Variants in UBE4A observed in about 807,000 individuals in gnomAD.
UBE4A encodes ubiquitination factor E4A.
Under a neutral mutation model 117.9 loss-of-function variants are expected in UBE4A, and 48 were observed. The observed-to-expected ratio is 0.41, with a 90% CI of 0.32 to 0.52. The LOEUF is 0.52. UBE4A is among the 20% of genes least tolerant of loss of function. The probability of loss-of-function intolerance (pLI) is 0.33; values close to 1 mark genes in which losing one functional copy is unlikely to be tolerated. For synonymous variants in UBE4A, 407 were observed against 450.0 expected (o/e 0.90, Z 1.21); for missense variants, 1,067 against 1,296.3 (o/e 0.82, Z 2.72).
chr11:118,382,992 AT>A (rs1183985594), intron 13 of UBE4A, among the ~76,000 whole-genome samples: 2 of 139,906 alleles, frequency 1.4e-5, no homozygotes, highest in Non-Finnish European at 3.1e-5. Flanking sequence ...TGTTTTATTT[AT>A]TTTTTATTTT....
rs1948888376 is a variant in UBE4A at position 118,397,762 on chromosome 11, A to G, written c.*1322A>G. The G allele has an allele frequency of 1.3e-5, 2 of 152,228 alleles. No homozygotes were observed. The highest frequency in any genetic ancestry group is 2.4e-5 in the African/African-American group (1 of 41,462). The allele number at this position is 152,228 out of a possible 1,614,324, so 9.4% of individuals were successfully genotyped here. On this transcript the variant is annotated 3_prime_UTR_variant, in exon 20 of 20. Coordinates refer to ENST00000252108, the MANE Select transcript of UBE4A (RefSeq NM_001204077.2). Reference sequence around the variant, plus strand: ...TGGGTGTCACTGCTTCATTTGGAACATGTTATTAACTATGGTCTCTTTCAA... The same window carrying G: ...TGGGTGTCACTGCTTCATTTGGAACGTGTTATTAACTATGGTCTCTTTCAA...
chr11:118,365,468 G>A (rs562244886), intron 2 of UBE4A, among the ~76,000 whole-genome samples: 8 of 152,112 alleles, frequency 5.3e-5, no homozygotes, highest in East Asian at 3.9e-4. Context: ...GATGCCAGTC[G>A]TGATCCCAAA....
intron 1 of UBE4A, among the ~76,000 whole-genome samples, chr11:118,360,159 TCAC>T (rs1460261275): frequency 4.6e-5 from 7 of 152,328 alleles, no homozygotes; most frequent in Non-Finnish European, 8.8e-5. Context: ...GGTGATGAGT[TCAC>T]CACAGATAAC....
chr11:118,371,405 C>A (rs1363611413), intron 4 of UBE4A, 109 bp from the exon 5 acceptor site: 1 of 1,360,338 alleles, frequency 7.4e-7, no homozygotes, highest in Non-Finnish European at 9.9e-7. Flanking sequence ...ACTCTACATT[C>A]AAATCTGTGA....
chr11:118,366,720 T>C (rs976441148), intron 2 of UBE4A, among the ~76,000 whole-genome samples: 20 of 152,248 alleles, frequency 1.3e-4, no homozygotes, highest in African/African-American at 4.8e-4. Flanking sequence ...GAAAAGTACA[T>C]ATAGACTCAT....
At chr11:118,361,789 G>A (rs1009480493) in intron 1 of UBE4A, among the ~76,000 whole-genome samples, 1 of 152,212 alleles carries the variant, frequency 6.6e-6, no homozygotes, top group African/African-American at 2.4e-5. Flanking sequence ...AGGGTCATGG[G>A]TGATGCTGTT....
At position 118,379,544 on chromosome 11, in the gene UBE4A, T is replaced by C; in HGVS notation, c.1670T>C (p.Leu557Pro). 6.2e-7 allele frequency: 1 copy of C among 1,614,228 alleles called. No individual in the cohort carries two copies. The highest frequency in any genetic ancestry group is 8.5e-7 in the Non-Finnish European group (1 of 1,180,040). ...QQSSSPAADN[L>P]REQFERLMTI... ...AGTTCTAGCCCTGCTGCTGACAATCTTCGTGAGCAGTTTGAACGACTGATG... is the reference window on the plus strand; with the variant it reads ...AGTTCTAGCCCTGCTGCTGACAATCCTCGTGAGCAGTTTGAACGACTGATG... Residue 557 changes from leucine (L) to proline (P), a missense_variant, in exon 11 of 20, where the codon CTT becomes CCT. Around this residue, in one of 3 missense-constraint regions of UBE4A, gnomAD observed 1,001 missense variants for 1,184.0 expected, o/e 0.85. Transcript: ENST00000252108.
rs1948585550 is a variant in UBE4A, at chr11:118,368,820, A to G, written c.295+16A>G. On this transcript the variant is annotated intron_variant, in intron 3 of 19. Coordinates refer to ENST00000252108, the MANE Select transcript of UBE4A (RefSeq NM_001204077.2). ...CTGGACAACAGTGAGTTACAAACTT[A>G]TAGCATTATTCTACCCTTCCTATTT... 6.2e-7 allele frequency: 1 copy of G among 1,613,356 alleles called. No homozygotes were observed. Among genetic ancestry groups the G allele is most frequent in the Non-Finnish European group, 8.5e-7 (1 of 1,179,552 alleles).
chr11:118,367,205 A>G (rs1948570831), intron 2 of UBE4A, among the ~76,000 whole-genome samples: 1 of 152,068 alleles, frequency 6.6e-6, no homozygotes, highest in Non-Finnish European at 1.5e-5. Context: ...ATCTCAAAAA[A>G]AAAAATCAAA....
At chr11:118,393,388 G>T (rs535043731) in intron 19 of UBE4A, among the ~76,000 whole-genome samples, 90 of 152,278 alleles carry the variant, frequency 5.9e-4, no homozygotes, top group African/African-American at 2.0e-3. Context: ...CTGCACTCCA[G>T]CCTGGGCTCA....
chr11:118,368,587 C>T, intron 2 of UBE4A, 44 bp from the exon 3 acceptor site: 2 of 1,599,842 alleles, frequency 1.3e-6, no homozygotes, highest in South Asian at 1.1e-5. Context: ...GCTTGGTTCT[C>T]TCTTAAAGGG....
intron 1 of UBE4A, among the ~76,000 whole-genome samples, chr11:118,360,000 T>C (rs1214519518): frequency 6.6e-6 from 1 of 152,170 alleles, no homozygotes; most frequent in Non-Finnish European, 1.5e-5. Context: ...TGGATCTCCC[T>C]CCTTCCCGCG....
chr11:118,387,302 C>T (rs1356955765), intron 16 of UBE4A, among the ~76,000 whole-genome samples: 3 of 151,822 alleles, frequency 2.0e-5, no homozygotes, highest in Non-Finnish European at 4.4e-5. Flanking sequence ...ATACAGCAGC[C>T]ACAAAACAAG....
Position 118,384,668 on chromosome 11 carries a change from A to G in UBE4A, c.2231A>G (p.Tyr744Cys). Residue 744 changes from tyrosine (Y) to cysteine (C), a missense_variant, in exon 14 of 20, where the codon TAC becomes TGC. Physicochemically the swap from Tyr to Cys is radical, Grantham distance 194. Transcript: ENST00000252108. ...DPHQFEQKFN[Y>C]RRPMYPILRY... The stretch of plus-strand genomic sequence containing the variant: ...CATCAATTTGAACAGAAGTTTAATT[A>G]CCGCCGTCCCATGTATCCTATCCTA... 5 of 1,614,106 alleles carry G rather than the reference A, an allele frequency of 3.1e-6. No individual in the cohort carries two copies. The highest frequency in any genetic ancestry group is 4.2e-6 in the Non-Finnish European group (5 of 1,179,990).
rs140328722 is a variant in UBE4A at position 118,378,041 on chromosome 11, A to C, written c.1571+1347A>C. On this transcript the variant is annotated intron_variant, in intron 10 of 19. Transcript: ENST00000252108. Reference sequence around the variant, plus strand: ...GGCAGGCAGATCACAAGGTCAGGAGATCAAGACCGTCCTAGCTAACATGGT... The same window carrying C: ...GGCAGGCAGATCACAAGGTCAGGAGCTCAAGACCGTCCTAGCTAACATGGT... 2.7e-3 allele frequency among the ~76,000 whole-genome samples: 414 copies of C among 152,138 alleles called. 2 individuals are homozygous for C. Among genetic ancestry groups the C allele is most frequent in the African/African-American group, 9.6e-3 (398 of 41,498 alleles).
chr11:118,392,632 A>ATGACCTGT (rs1555128748), intron 18 of UBE4A, 106 bp from the exon 19 acceptor site: 1 of 1,107,298 alleles, frequency 9.0e-7, no homozygotes, highest in African/African-American at 1.6e-5. Context: ...AGGGTTATTA[A>ATGACCTGT]TGACCTGTTT....
At position 118,372,483 on chromosome 11, in the gene UBE4A, CTCTTT is replaced by C; in HGVS notation, c.562-19_562-15del. ...CCAGATTACAGAGTTAGACTATTCCCTCTTTTCTTCATGCTGTTTGCAGATTACCA... is the reference window on the plus strand; with the variant it reads ...CCAGATTACAGAGTTAGACTATTCCCTCTTCATGCTGTTTGCAGATTACCA... On this transcript the variant is annotated intron_variant, in intron 5 of 19. Coordinates refer to ENST00000252108, the MANE Select transcript of UBE4A (RefSeq NM_001204077.2). The C allele has an allele frequency of 6.3e-7, 1 of 1,594,550 alleles. No individual in the cohort carries two copies.
chr11:118,376,880 C>T (rs1264209732), intron 10 of UBE4A, among the ~76,000 whole-genome samples, 186 bp downstream of exon 10: 2 of 151,934 alleles, frequency 1.3e-5, no homozygotes, highest in South Asian at 4.2e-4. Flanking sequence ...AAGTGAGACC[C>T]CCATCTCTAC....
intron 1 of UBE4A, among the ~76,000 whole-genome samples, chr11:118,361,006 G>GTGT (rs1236730893): frequency 7.9e-6 from 1 of 126,662 alleles, no homozygotes; most frequent in Non-Finnish European, 1.7e-5. Context: ...GTGTGTGTGT[G>GTGT]TATTTTTTTT....
Sources: allele counts gnomAD v4.1 joint callset (sites outside exome capture counted in the v4.1 genomes callset), GRCh38; gene constraint gnomAD v4.1.1; regional missense constraint gnomAD v4.1.1; transcripts MANE v1.5; gene names NCBI Gene and HGNC (gene_info 2026-07-23, HGNC 2026-07-21).